The following OPCML variants were observed in gnomAD, a reference collection of about 807,000 sequenced individuals.
OPCML encodes opioid binding protein/cell adhesion molecule like.
A neutral mutation model predicts 37.8 loss-of-function variants in OPCML; 13 were observed. The ratio of observed to expected loss-of-function variants is 0.34; its 90% CI spans 0.22 to 0.55. The LOEUF (loss-of-function observed/expected upper bound fraction) is 0.55, where lower values mean the gene tolerates loss of function less well. OPCML is among the 20% of genes least tolerant of loss of function. OPCML has a pLI of 0.91. For synonymous variants in OPCML, 176 were observed against 168.8 expected, an observed-to-expected ratio of 1.04 and a Z score of -0.33; for missense variants, 341 against 435.6, an observed-to-expected ratio of 0.78 and a Z score of 1.93.
chr11:132,459,614 CCT>C (rs2136902049), intron 4 of OPCML, among the ~76,000 whole-genome samples: 1 of 150,984 alleles, frequency 6.6e-6, no homozygotes, highest in African/African-American at 2.4e-5. Context: ...GAGAACCTTG[CCT>C]AATATAGATT....
rs187629263 is a variant in OPCML at position 133,051,214 on chromosome 11, G to T, written c.62-108204C>A. Among the ~76,000 whole-genome samples, 173 of 152,250 alleles carry T rather than the reference G, an allele frequency of 1.1e-3. 1 individual carries two copies. The highest frequency in any genetic ancestry group is 4.1e-3 in the African/African-American group (169 of 41,538). On this transcript the variant is annotated intron_variant, in intron 1 of 7. Transcript: ENST00000524381. ...CAATGGAAACAAACCCACACATATT[G>T]ATTTCTCTGTGCCAAGCACTGTTTA...
chr11:133,161,618 A>G (rs897564181), intron 1 of OPCML, among the ~76,000 whole-genome samples: 2 of 152,224 alleles, frequency 1.3e-5, no homozygotes, highest in African/African-American at 4.8e-5. Flanking sequence ...TAATGGAAAC[A>G]GTGCTTAGCA....
At chr11:132,898,379 C>T (rs1213998743) in intron 2 of OPCML, among the ~76,000 whole-genome samples, 2 of 152,204 alleles carry the variant, frequency 1.3e-5, no homozygotes, top group African/African-American at 4.8e-5. Context: ...CTTATCCACG[C>T]TCATGGTATT....
intron 2 of OPCML, among the ~76,000 whole-genome samples, chr11:132,887,760 A>G (rs1398402026): frequency 6.6e-6 from 1 of 152,254 alleles, no homozygotes; most frequent in Non-Finnish European, 1.5e-5. Context: ...TGTCAAAAAC[A>G]TAAGGGATCG....
intron 2 of OPCML, among the ~76,000 whole-genome samples, chr11:132,777,392 T>C (rs1946842412): frequency 6.6e-6 from 1 of 152,066 alleles, no homozygotes; most frequent in Non-Finnish European, 1.5e-5. Flanking sequence ...AATGAAACCT[T>C]GAACTGTAAG....
chr11:133,355,051 C>T (rs1944252162), intron 1 of OPCML, among the ~76,000 whole-genome samples: 1 of 152,168 alleles, frequency 6.6e-6, no homozygotes, highest in Non-Finnish European at 1.5e-5. Context: ...ATTCCATTTA[C>T]CTACAAGAAA....
intron 1 of OPCML, among the ~76,000 whole-genome samples, chr11:133,075,062 C>G (rs1948600540): frequency 6.6e-6 from 1 of 152,182 alleles, no homozygotes; most frequent in African/African-American, 2.4e-5. Flanking sequence ...TGGACGTCAG[C>G]CTCTCACGCG....
intron 1 of OPCML, among the ~76,000 whole-genome samples, chr11:132,975,157 A>G (rs1267020952): frequency 6.6e-6 from 1 of 152,002 alleles, no homozygotes; most frequent in Non-Finnish European, 1.5e-5. Flanking sequence ...CTATATTGAC[A>G]TGAAACTTAA....
chr11:133,383,873 G>T (rs901392236), intron 1 of OPCML, among the ~76,000 whole-genome samples: 1 of 152,160 alleles, frequency 6.6e-6, no homozygotes, highest in African/African-American at 2.4e-5. Context: ...TACACCTGCA[G>T]TGCATGCCCA....
intron 1 of OPCML, among the ~76,000 whole-genome samples, chr11:133,441,881 G>A (rs7127798): frequency 0.35 from 53,887 of 151,932 alleles, 14,415 homozygotes; most frequent in African/African-American, 0.75. Context: ...AAAGAACTCA[G>A]CAGAACAGAA....
intron 3 of OPCML, among the ~76,000 whole-genome samples, chr11:132,537,033 G>C (rs2096342615): frequency 6.6e-6 from 1 of 152,158 alleles, no homozygotes; most frequent in Non-Finnish European, 1.5e-5. Flanking sequence ...AAAACCCTGG[G>C]AGCCGATGGT....
Position 133,441,386 on chromosome 11 carries a change from A to G in OPCML, c.61+90878T>C, listed in dbSNP as rs548686158. ...CATGGAACCGAATTTGAGAATTAAG[A>G]AACAGATCCATGAATTCATGGGCAT... On this transcript the variant is annotated intron_variant, in intron 1 of 7. Transcript: ENST00000524381. Among the ~76,000 whole-genome samples, 3 of 152,316 alleles carry G rather than the reference A, an allele frequency of 2.0e-5. No individual in the cohort carries two copies. The South Asian group carries it at 6.2e-4, about 32-fold the overall frequency.
At chr11:132,631,364 T>TATATAC (rs1463949904) in intron 3 of OPCML, among the ~76,000 whole-genome samples, 4 of 148,658 alleles carry the variant, frequency 2.7e-5, no homozygotes, top group African/African-American at 9.8e-5. Flanking sequence ...TATATATATA[T>TATATAC]ATATATATAT....
intron 1 of OPCML, among the ~76,000 whole-genome samples, chr11:133,448,922 A>G (rs1375931908): frequency 6.6e-6 from 1 of 152,236 alleles, no homozygotes; most frequent in African/African-American, 2.4e-5. Context: ...TTTGTAATCT[A>G]TTAACACATA....
At chr11:133,244,057 C>T (rs1236959449) in intron 1 of OPCML, among the ~76,000 whole-genome samples, 1 of 152,180 alleles carries the variant, frequency 6.6e-6, no homozygotes, top group Non-Finnish European at 1.5e-5. Context: ...AGGCAGACTC[C>T]ACCTTGGGGC....
chr11:132,851,306 T>C (rs1452951928), intron 2 of OPCML, among the ~76,000 whole-genome samples: 1 of 152,232 alleles, frequency 6.6e-6, no homozygotes, highest in African/African-American at 2.4e-5. Context: ...ATTTTTTAAA[T>C]ATTTTGATAG....
intron 4 of OPCML, among the ~76,000 whole-genome samples, chr11:132,507,400 C>G (rs1010416106): frequency 3.3e-5 from 5 of 151,502 alleles, no homozygotes; most frequent in Non-Finnish European, 7.4e-5. Flanking sequence ...TATTTTATAC[C>G]ATATGAATTA....
At chr11:133,006,903 C>G in intron 1 of OPCML, 1 of 985,422 alleles carries the variant, frequency 1.0e-6, no homozygotes, top group Non-Finnish European at 1.2e-6. Context: ...CATGGGGCCA[C>G]CTAGGCTGGT....
At chr11:133,464,685 A>C (rs1565649399) in intron 1 of OPCML, among the ~76,000 whole-genome samples, 1 of 152,182 alleles carries the variant, frequency 6.6e-6, no homozygotes, top group Non-Finnish European at 1.5e-5. Flanking sequence ...TGTGTGGCTG[A>C]GGTGGACACA....
Sources: gnomAD v4.1 joint callset for allele counts (sites outside exome capture counted in the v4.1 genomes callset) on GRCh38, gnomAD v4.1.1 for gene constraint, MANE v1.5 for transcripts, NCBI Gene and HGNC (gene_info 2026-07-23, HGNC 2026-07-21) for gene names.